The following RNF213 variants were observed in gnomAD, a reference collection of about 807,000 sequenced individuals.
The protein encoded by RNF213 is E3 ubiquitin-protein ligase RNF213.
Under a neutral mutation model 514.4 loss-of-function variants are expected in RNF213, and 341 were observed. The ratio of observed to expected loss-of-function variants is 0.66; its 90% CI spans 0.61 to 0.73. The LOEUF is 0.73. Among genes scored for constraint, RNF213 ranks in the 30% least tolerant of loss-of-function variants. The pLI is 0.00. For synonymous variants in RNF213, 2,655 were observed against 2,658.2 expected, an observed-to-expected ratio of 1.00 and a Z score of 0.04; for missense variants, 5,767 against 6,615.6, an observed-to-expected ratio of 0.87 and a Z score of 4.45.
rs529066045 is a variant in RNF213 at position 80,278,560 on chromosome 17, GCTT to G, written c.261+5161_261+5163del. On this transcript the variant is annotated intron_variant, in intron 3 of 67. Transcript: ENST00000582970. ...CTTGTCCTGCACGTCTGCAGGAGCT[GCTT>G]CTTCGTCTTCCCACACCCTCCTGCC... Among the ~76,000 whole-genome samples, 13 of 152,340 alleles carry G rather than the reference GCTT, an allele frequency of 8.5e-5. 1 individual carries two copies. In the South Asian group the frequency reaches 2.3e-3, roughly 27 times the overall value.
At chr17:80,363,544 CG>C (rs2079133477) in intron 40 of RNF213, 64 bp from the exon 41 acceptor site, 1 of 1,565,770 alleles carries the variant, frequency 6.4e-7, no homozygotes, top group Non-Finnish European at 8.8e-7. Flanking sequence ...AGCTAACAGC[CG>C]GGGCCTCTGG....
chr17:80,364,492 C>G lies in RNF213; in HGVS notation c.11810C>G (p.Thr3937Ser). Residue 3937 changes from threonine to serine, a missense_variant, in exon 42 of 68, where the codon ACC becomes AGC. Thr to Ser is a moderately conservative substitution (Grantham distance 58). Around this residue, in one of 13 missense-constraint regions of RNF213, gnomAD observed 355 missense variants for 358.0 expected, o/e 0.99. Transcript: ENST00000582970. ...ALFVEHVLLGTESRVPELQGL... is the reference protein window; with the variant it reads ...ALFVEHVLLGSESRVPELQGL... ...TTCGTGGAGCACGTGCTCCTAGGAA[C>G]CGAGAGCCGCGTCCCCGAGTTACAG... 1.9e-6 allele frequency: 3 copies of G among 1,614,156 alleles called. No individual in the cohort carries two copies. The highest frequency in any genetic ancestry group is 2.5e-6 in the Non-Finnish European group (3 of 1,180,022).
chr17:80,375,993 A>G (rs992672247), intron 51 of RNF213, 123 bp downstream of exon 51: 6 of 831,592 alleles, frequency 7.2e-6, no homozygotes, highest in South Asian at 7.1e-5. Context: ...GAGGTTCTCA[A>G]CCTTGTTATG....
chr17:80,354,318 G>A lies in RNF213; in HGVS notation c.10727-123G>A. ...AGTGGGAATCTAAGAGCATCTCTCA[G>A]ATTTTGCTCTAGAATTGGCCTGGCC... On this transcript the variant is annotated intron_variant, in intron 35 of 67. Transcript: ENST00000582970. 7 of 1,538,362 alleles carry A rather than the reference G, an allele frequency of 4.6e-6. 1 individual carries two copies. The South Asian group carries it at 7.9e-5, about 17-fold the overall frequency.
rs1267711118 is a variant in RNF213, at chr17:80,395,702, A to C, written c.*2204A>C. On this transcript the variant is annotated 3_prime_UTR_variant, in exon 68 of 68. Coordinates refer to ENST00000582970, the MANE Select transcript of RNF213 (RefSeq NM_001256071.3). Reference sequence around the variant, plus strand: ...CCCCTGAGTCCACTTGCGGGGTAAGAGATAAACAGTAACCCTTCCAGGAGC... The same window carrying C: ...CCCCTGAGTCCACTTGCGGGGTAAGCGATAAACAGTAACCCTTCCAGGAGC... The C allele has an allele frequency of 6.6e-6, 1 of 152,232 alleles. No homozygotes were observed. Among genetic ancestry groups the C allele is most frequent in the African/African-American group, 2.4e-5 (1 of 41,458 alleles). The allele number at this position is 152,232 out of a possible 1,614,324, so 9.4% of individuals were successfully genotyped here.
Position 80,309,411 on chromosome 17 carries a change from G to T in RNF213, c.2655+240G>T, listed in dbSNP as rs192766023. Among the ~76,000 whole-genome samples the T allele has an allele frequency of 5.0e-3, 755 of 152,296 alleles. 7 individuals carry two copies. The highest frequency in any genetic ancestry group is 0.014 in the African/African-American group (594 of 41,556). On this transcript the variant is annotated intron_variant, in intron 14 of 67. Transcript: ENST00000582970. ...TGGGCTTTCCTGGGAGGGAGGCAGG[G>T]AGTTAATGTGTGGCCATCAGCTGGT...
chr17:80,345,042 A>G lies in RNF213; in HGVS notation c.6707A>G (p.Asn2236Ser), dbSNP rs144625219. 1.9e-5 allele frequency: 30 copies of G among 1,614,090 alleles called. No individual in the cohort carries two copies. In the South Asian group the frequency reaches 1.9e-4, roughly 10 times the overall value. The change falls in exon 29 of 68, where the codon AAT (asparagine) becomes AGT (serine). Residue 2236 changes from asparagine (N) to serine (S), a missense_variant. Asn to Ser is a conservative substitution (Grantham distance 46). Transcript: ENST00000582970. The surrounding 1 kb of genome is among the most constrained non-coding windows in gnomAD (Gnocchi z 6.0). ...GATTGTGAGGCCTCTCTCTTCTGCAATCCGAGTTTTATTGGCGACACACTG... is the reference window on the plus strand; with the variant it reads ...GATTGTGAGGCCTCTCTCTTCTGCAGTCCGAGTTTTATTGGCGACACACTG... ...LRDCEASLFC[N>S]PSFIGDTLRG...
At chr17:80,365,386 CTA>C (rs2079222942) in intron 42 of RNF213, 1 of 152,382 alleles carries the variant, frequency 6.6e-6, no homozygotes, top group African/African-American at 2.4e-5. Context: ...CAGCCCAAGG[CTA>C]AGGTACCAGC....
At chr17:80,322,447 G>GCGCC (rs2046171664) in intron 17 of RNF213, among the ~76,000 whole-genome samples, 1 of 152,062 alleles carries the variant, frequency 6.6e-6, no homozygotes, top group African/African-American at 2.4e-5. Flanking sequence ...ATGGTGGCAT[G>GCGCC]TGCCTGTAGT....
rs765511493 is a variant in RNF213 at position 80,313,164 on chromosome 17, T to C, written c.2808T>C (p.Ile936=). 3.1e-6 allele frequency: 5 copies of C among 1,613,912 alleles called. No individual in the cohort carries two copies. In the Admixed American group the frequency reaches 6.7e-5, roughly 22 times the overall value. The change falls in exon 15 of 68, where the codon ATT becomes ATC. Residue 936 remains isoleucine (I), a synonymous_variant. Coordinates refer to ENST00000582970, the MANE Select transcript of RNF213 (RefSeq NM_001256071.3). ...SGASFTYVKE[I]EVWRRLVEIQ... Reference sequence around the variant, plus strand: ...CCTCATTCACATACGTCAAGGAAATTGAGGTAGGCATTTGGCCGAAGGCTT... The same window carrying C: ...CCTCATTCACATACGTCAAGGAAATCGAGGTAGGCATTTGGCCGAAGGCTT...
chr17:80,389,110 C>A lies in RNF213; in HGVS notation c.15001-63C>A, dbSNP rs754706031. ...GCAGTGAAGGGGCTCGGCTCTCTTA[C>A]CAGGTGGTGAGATGCCAGAAACCCA... On this transcript the variant is annotated intron_variant, in intron 64 of 67. Transcript: ENST00000582970. The A allele has an allele frequency of 2.7e-6, 4 of 1,504,448 alleles. No homozygotes were observed. The Admixed American group carries it at 6.7e-5, about 25-fold the overall frequency. 93.2% of individuals were successfully genotyped at this position (1,504,448 alleles called of 1,614,324 possible).
chr17:80,308,668 C>T (rs1322678365), intron 13 of RNF213, among the ~76,000 whole-genome samples: 3 of 152,196 alleles, frequency 2.0e-5, no homozygotes, highest in Admixed American at 1.3e-4. Context: ...CTCTTCCTCC[C>T]TCCTTTCTGT....
At position 80,339,317 on chromosome 17, in the gene RNF213, C is replaced by T. The variant is rs1475739189; in HGVS notation, c.4950C>T (p.Ser1650=). ...MAYCSPKQGV[S]LQMDFGLDLV... is the part of the protein sequence containing the mutation. The stretch of plus-strand genomic sequence containing the variant: ...ACTGCTCCCCCAAGCAGGGTGTGTC[C>T]CTCCAAATGGACTTTGGCTTGGACC... Residue 1650 remains serine (S), a synonymous_variant, in exon 26 of 68, where the codon TCC becomes TCT. Transcript: ENST00000582970. 7.2e-6 allele frequency: 11 copies of T among 1,537,012 alleles called. No homozygotes were observed. The highest frequency in any genetic ancestry group is 5.9e-5 in the South Asian group (5 of 84,056).
At chr17:80,320,837 A>G (rs2046116914) in intron 17 of RNF213, 4 of 152,208 alleles carry the variant, frequency 2.6e-5, no homozygotes, top group Admixed American at 2.6e-4. Context: ...AACAAAAAAA[A>G]TTAGCCAGGC....
At chr17:80,321,880 C>T (rs1161117586) in intron 17 of RNF213, among the ~76,000 whole-genome samples, 1 of 152,078 alleles carries the variant, frequency 6.6e-6, no homozygotes. Flanking sequence ...CATGTGCCAC[C>T]ATGCCCAGCT....
chr17:80,347,215 C>G lies in RNF213; in HGVS notation c.8880C>G (p.Ile2960Met). 2 of 1,613,432 alleles carry G rather than the reference C, an allele frequency of 1.2e-6. No homozygotes were observed. The highest frequency in any genetic ancestry group is 4.5e-5 in the East Asian group (2 of 44,882). ...GGCTTCGTGACTACTACAGCCTCAT[C>G]AAAATGGTCTTTGCTGCAGCAAAGG... ...FFGLRDYYSL[I>M]KMVFAAAKAS... is the part of the protein sequence containing the mutation. Residue 2960 changes from isoleucine (I) to methionine (M), a missense_variant, in exon 29 of 68, where the codon ATC (isoleucine) becomes ATG (methionine). Physicochemically the swap from Ile to Met is conservative, Grantham distance 10. Around this residue, in one of 13 missense-constraint regions of RNF213, gnomAD observed 919 missense variants for 1,121.0 expected, o/e 0.82. Transcript: ENST00000582970. The surrounding 1 kb of genome is among the most constrained non-coding windows in gnomAD (Gnocchi z 7.2).
intron 29 of RNF213, among the ~76,000 whole-genome samples, chr17:80,349,363 CAGG>C (rs547690593): frequency 4.7e-4 from 72 of 152,260 alleles, no homozygotes; most frequent in African/African-American, 1.6e-3. Flanking sequence ...ACCTTTGGGA[CAGG>C]AGAATTGCTG....
chr17:80,310,203 T>C (rs180992139), intron 14 of RNF213, among the ~76,000 whole-genome samples: 1 of 152,284 alleles, frequency 6.6e-6, no homozygotes, highest in East Asian at 1.9e-4. Context: ...CCCACTTGAG[T>C]TCATGAGTTT....
intron 46 of RNF213, among the ~76,000 whole-genome samples, chr17:80,370,081 A>G (rs2079455829): frequency 6.6e-6 from 1 of 152,220 alleles, no homozygotes; most frequent in Admixed American, 6.5e-5. Flanking sequence ...AAGCACACGC[A>G]TCTAGCAAGA....
Sources: gnomAD v4.1 joint callset for allele counts (sites outside exome capture counted in the v4.1 genomes callset) on GRCh38, gnomAD v4.1.1 for gene constraint, gnomAD v4.1.1 regional missense constraint, Gnocchi (gnomAD v3.1) non-coding constraint, MANE v1.5 for transcripts, NCBI Gene and HGNC (gene_info 2026-07-23, HGNC 2026-07-21) for gene names.